The following CCNY variants were observed in gnomAD, a reference collection of about 807,000 sequenced individuals.
CCNY encodes the protein cyclin-Y.
Under a neutral mutation model 42.8 loss-of-function variants are expected in CCNY, and 19 were observed. That is an observed-to-expected ratio of 0.44 (90% CI 0.31 to 0.65). The LOEUF (loss-of-function observed/expected upper bound fraction) is 0.65, where lower values mean the gene tolerates loss of function less well. CCNY is among the 30% of genes least tolerant of loss of function. The pLI, the probability that CCNY is intolerant of heterozygous loss-of-function variation, is 0.07. For missense variants in CCNY, 370 were observed against 437.3 expected (o/e 0.85, Z 1.37); for synonymous variants, 165 against 162.7 (o/e 1.01, Z -0.11).
chr10:35,352,709 A>G (rs1195236822), intron 1 of CCNY, among the ~76,000 whole-genome samples: 1 of 152,200 alleles, frequency 6.6e-6, no homozygotes, highest in Non-Finnish European at 1.5e-5. Flanking sequence ...ATAAGGGATT[A>G]CAATACGGTG....
intron 1 of CCNY, among the ~76,000 whole-genome samples, chr10:35,426,292 C>T (rs1005857406): frequency 6.6e-6 from 1 of 152,112 alleles, no homozygotes; most frequent in South Asian, 2.1e-4. Flanking sequence ...TAGGTCTTTG[C>T]TCTCAAACCT....
chr10:35,250,908 G>A (rs1379354827), intron 3 of CCNY: 1 of 152,160 alleles, frequency 6.6e-6, no homozygotes, highest in African/African-American at 2.4e-5. Context: ...TCAAAATCAA[G>A]TATTGATTGA....
chr10:35,283,859 G>A (rs151198177), intron 3 of CCNY, among the ~76,000 whole-genome samples: 2,033 of 152,250 alleles, frequency 0.013, 32 homozygotes, highest in South Asian at 0.041. Context: ...CGAGGAGGGC[G>A]GATCACTTGA....
chr10:35,489,007 C>T (rs117333511), intron 2 of CCNY, among the ~76,000 whole-genome samples: 445 of 152,246 alleles, frequency 2.9e-3, no homozygotes, highest in Middle Eastern at 0.014. Flanking sequence ...AGGCCGGGCA[C>T]GGTGGCTCAC....
intron 1 of CCNY, among the ~76,000 whole-genome samples, chr10:35,438,417 A>G (rs566039763): frequency 1.9e-4 from 29 of 152,178 alleles, no homozygotes; most frequent in African/African-American, 7.0e-4. Context: ...CAGCCTTCCA[A>G]AGTGCCCAGG....
chr10:35,568,336 CTT>C (rs1302349568), intron 9 of CCNY, among the ~76,000 whole-genome samples: 5 of 152,190 alleles, frequency 3.3e-5, no homozygotes, highest in African/African-American at 1.2e-4. Flanking sequence ...CAAGGCTGCT[CTT>C]TCTCTTCTCC....
At chr10:35,271,295 C>T (rs1416503098) in intron 3 of CCNY, among the ~76,000 whole-genome samples, 1 of 152,138 alleles carries the variant, frequency 6.6e-6, no homozygotes, top group Non-Finnish European at 1.5e-5. Flanking sequence ...GACAGGAAAA[C>T]TTGAACTGCA....
intron 1 of CCNY, among the ~76,000 whole-genome samples, chr10:35,393,018 T>C (rs1002475406): frequency 1.3e-5 from 2 of 152,162 alleles, no homozygotes; most frequent in African/African-American, 2.4e-5. Flanking sequence ...CTCCCCTTGC[T>C]GTCTCCTGTG....
chr10:35,298,973 T>C (rs899307774), intron 3 of CCNY, among the ~76,000 whole-genome samples: 1 of 152,230 alleles, frequency 6.6e-6, no homozygotes, highest in Non-Finnish European at 1.5e-5. Context: ...TCATTCTTCT[T>C]AGGTAAATAC....
At chr10:35,329,466 C>T (rs1835916521) in intron 3 of CCNY, among the ~76,000 whole-genome samples, 3 of 152,126 alleles carry the variant, frequency 2.0e-5, no homozygotes, top group Admixed American at 2.0e-4. Context: ...ATGAAATGTC[C>T]ATTCTTTGGG....
chr10:35,537,916 A>T (rs1840918369), intron 7 of CCNY, among the ~76,000 whole-genome samples: 2 of 152,042 alleles, frequency 1.3e-5, no homozygotes, highest in South Asian at 4.1e-4. Flanking sequence ...GGGTGGAATG[A>T]TACGGTTTGG....
intron 3 of CCNY, among the ~76,000 whole-genome samples, chr10:35,267,411 T>C (rs754364425): frequency 2.7e-4 from 41 of 152,198 alleles, no homozygotes; most frequent in Admixed American, 5.2e-4. Flanking sequence ...CTCCTTCCTG[T>C]TGACATGCTC....
In CCNY at chr10:35,553,275, G is replaced by A. The variant is rs1841298093; in HGVS notation, c.746+90G>A. The stretch of plus-strand genomic sequence containing the variant: ...GCCTCCTTTTTTAATGGTCTGTATA[G>A]CGCAGAATGCATGCATTTGACTGAA... On this transcript the variant is annotated intron_variant, in intron 8 of 9. Transcript: ENST00000374704. 66 of 1,277,416 alleles carry A rather than the reference G, an allele frequency of 5.2e-5. No individual in the cohort carries two copies. The East Asian group carries it at 1.6e-3, about 30-fold the overall frequency. The allele number at this position is 1,277,416 out of a possible 1,614,324, so 79.1% of individuals were successfully genotyped here.
At chr10:35,394,980 TC>T (rs1379434849) in intron 1 of CCNY, 1 of 232,372 alleles carries the variant, frequency 4.3e-6, no homozygotes, top group Non-Finnish European at 5.7e-6. Flanking sequence ...CTTCCCACCC[TC>T]CCCCGCCCCA....
intron 1 of CCNY, among the ~76,000 whole-genome samples, chr10:35,385,620 C>T (rs1284262849): frequency 6.6e-6 from 1 of 152,102 alleles, no homozygotes; most frequent in Non-Finnish European, 1.5e-5. Context: ...TTCCAGTTGC[C>T]CCATATTCTT....
rs374895676 is a variant in CCNY at position 35,393,535 on chromosome 10, C to T, written c.154+56328C>T. On this transcript the variant is annotated intron_variant, in intron 1 of 9. Transcript: ENST00000374704. ...TCACAGGTTGTTCCTGGAGACTTTG[C>T]GTGAAGGCTGGTGTTGACCTGAAGC... 3.3e-5 allele frequency among the ~76,000 whole-genome samples: 5 copies of T among 152,180 alleles called. No homozygotes were observed. In the South Asian group the frequency reaches 6.2e-4, roughly 19 times the overall value.
chr10:35,289,758 C>A (rs1283698227), intron 3 of CCNY, among the ~76,000 whole-genome samples: 9 of 151,526 alleles, frequency 5.9e-5, no homozygotes, highest in African/African-American at 1.9e-4. Flanking sequence ...CCTGTAGTTC[C>A]AGCTACTTGG....
At chr10:35,355,664 C>A (rs1481375537) in intron 1 of CCNY, among the ~76,000 whole-genome samples, 1 of 73,292 alleles carries the variant, frequency 1.4e-5, no homozygotes, top group Non-Finnish European at 2.4e-5. Flanking sequence ...GGCAACAGAG[C>A]AAGATACTGT....
At chr10:35,552,963 G>T in intron 7 of CCNY, 56 bp from the exon 8 acceptor site, 1 of 1,527,756 alleles carries the variant, frequency 6.5e-7, no homozygotes, top group South Asian at 1.1e-5. Context: ...CTTGAGGTGT[G>T]CTGGTGTTTA....
Sources: allele counts gnomAD v4.1 joint callset (sites outside exome capture counted in the v4.1 genomes callset), GRCh38; gene constraint gnomAD v4.1.1; transcripts MANE v1.5; gene names NCBI Gene and HGNC (gene_info 2026-07-23, HGNC 2026-07-21).